PACRG: variants seen among roughly 807,000 people sequenced by gnomAD.
PACRG encodes parkin coregulated.
Under a neutral mutation model 29.7 loss-of-function variants are expected in PACRG, and 29 were observed. That is an observed-to-expected ratio of 0.98 (90% confidence interval 0.73 to 1.33). The LOEUF (loss-of-function observed/expected upper bound fraction) is 1.33, where lower values mean the gene tolerates loss of function less well. Ranked by LOEUF, PACRG falls within the 40% of genes most tolerant of loss-of-function variation. The pLI is 0.00. For synonymous variants in PACRG, 116 were observed against 118.7 expected, an observed-to-expected ratio of 0.98 and a Z score of 0.15; for missense variants, 279 against 316.2, an observed-to-expected ratio of 0.88 and a Z score of 0.89.
chr6:163,309,812 T>C (rs892489746), intron 4 of PACRG, among the ~76,000 whole-genome samples: 14 of 152,174 alleles, frequency 9.2e-5, no homozygotes, highest in African/African-American at 3.1e-4. Flanking sequence ...GCTGTTCCCT[T>C]TGAGAGTGCG....
intron 4 of PACRG, among the ~76,000 whole-genome samples, chr6:163,268,355 A>T (rs1465959777): frequency 6.6e-5 from 10 of 150,592 alleles, no homozygotes; most frequent in Non-Finnish European, 1.3e-4. Flanking sequence ...TGAGCCAAGA[A>T]TGCACCACTG....
chr6:163,000,306 T>C (rs557175160), intron 2 of PACRG, among the ~76,000 whole-genome samples: 1 of 152,212 alleles, frequency 6.6e-6, no homozygotes, highest in Non-Finnish European at 1.5e-5. Flanking sequence ...GGTCAAAAAC[T>C]TCTTGCTGCA....
intron 4 of PACRG, among the ~76,000 whole-genome samples, chr6:163,217,291 C>G (rs1460531064): frequency 2.6e-5 from 4 of 152,232 alleles, no homozygotes; most frequent in Non-Finnish European, 5.9e-5. Flanking sequence ...ACTCAGGAAA[C>G]TCACCCCCAA....
intron 4 of PACRG, among the ~76,000 whole-genome samples, chr6:163,098,504 C>T (rs1314169362): frequency 1.3e-5 from 2 of 152,196 alleles, no homozygotes; most frequent in South Asian, 2.1e-4. Context: ...TTGTGTCCCT[C>T]CTCACCAGGC....
chr6:163,115,508 G>A (rs557312140), intron 4 of PACRG, among the ~76,000 whole-genome samples: 14 of 152,210 alleles, frequency 9.2e-5, no homozygotes, highest in South Asian at 2.1e-4. Context: ...TGAATGAAGG[G>A]AATTAGTCTA....
At chr6:163,200,225 G>A (rs976872054) in intron 4 of PACRG, among the ~76,000 whole-genome samples, 1 of 152,020 alleles carries the variant, frequency 6.6e-6, no homozygotes, top group Non-Finnish European at 1.5e-5. Flanking sequence ...AGAAAAAAAG[G>A]CAACTTTTTT....
At chr6:163,139,288 A>G (rs755160017) in intron 4 of PACRG, among the ~76,000 whole-genome samples, 4 of 152,002 alleles carry the variant, frequency 2.6e-5, no homozygotes, top group African/African-American at 4.8e-5. Flanking sequence ...CTTCCCTCTC[A>G]TAAGGACACT....
chr6:162,947,413 AATC>A (rs1799175178), intron 2 of PACRG, among the ~76,000 whole-genome samples: 2 of 127,792 alleles, frequency 1.6e-5, no homozygotes, highest in Non-Finnish European at 3.2e-5. Flanking sequence ...AATCATATAT[AATC>A]ATACATAAAA....
chr6:162,740,455 C>T (rs1261881550), intron 1 of PACRG, among the ~76,000 whole-genome samples: 5 of 151,740 alleles, frequency 3.3e-5, no homozygotes, highest in South Asian at 2.1e-4. Context: ...GGACTACAGG[C>T]GCCCACCACC....
chr6:163,247,139 C>T (rs1038892176), intron 4 of PACRG, among the ~76,000 whole-genome samples: 4 of 152,172 alleles, frequency 2.6e-5, no homozygotes, highest in Non-Finnish European at 5.9e-5. Flanking sequence ...CAAGAAATGA[C>T]TTCCATTCTA....
intron 1 of PACRG, among the ~76,000 whole-genome samples, chr6:162,730,867 A>C (rs528452651): frequency 2.6e-5 from 4 of 152,174 alleles, no homozygotes; most frequent in African/African-American, 7.2e-5. Context: ...TGAAGATTTC[A>C]TAGTTCATTT....
chr6:163,313,935 G>A (rs1785541130), intron 4 of PACRG: 1 of 152,208 alleles, frequency 6.6e-6, no homozygotes, highest in Non-Finnish European at 1.5e-5. Context: ...AAACTAAGGG[G>A]CCCCATTTTT....
rs574684808 is a variant in PACRG, at chr6:163,272,196, G to A, written c.614-42631G>A. On this transcript the variant is annotated intron_variant, in intron 4 of 4. Coordinates refer to ENST00000366888, the MANE Select transcript of PACRG (RefSeq NM_001080379.2). ...TGGGACTACAGGCATGCGCCACCAT[G>A]CCCAGCTAATTTTTGTATTTTTAGT... Among the ~76,000 whole-genome samples, 10 of 152,150 alleles carry A rather than the reference G, an allele frequency of 6.6e-5. 1 individual carries two copies. The East Asian group carries it at 1.9e-3, about 29-fold the overall frequency.
At position 162,995,024 on chromosome 6, in the gene PACRG, C is replaced by T. The variant is rs1319277016; in HGVS notation, c.292-67126C>T. Among the ~76,000 whole-genome samples, 4 of 151,074 alleles carry T rather than the reference C, an allele frequency of 2.6e-5. 1 individual carries two copies. The highest frequency in any genetic ancestry group is 4.9e-5 in the African/African-American group (2 of 40,466). ...CGAGTGAGGTGTCAGTGTGCCCCTGCTGGGGGGTGCCTCCCAGTTAGGCTG... is the reference window on the plus strand; with the variant it reads ...CGAGTGAGGTGTCAGTGTGCCCCTGTTGGGGGGTGCCTCCCAGTTAGGCTG... On this transcript the variant is annotated intron_variant, in intron 2 of 4. Transcript: ENST00000366888.
chr6:163,128,936 GT>G (rs892121773), intron 4 of PACRG, among the ~76,000 whole-genome samples: 1 of 151,830 alleles, frequency 6.6e-6, no homozygotes, highest in African/African-American at 2.4e-5. Flanking sequence ...TCATCCATCT[GT>G]TTTTTTTGGT....
At chr6:163,175,412 G>T (rs766887883) in intron 4 of PACRG, among the ~76,000 whole-genome samples, 1 of 151,938 alleles carries the variant, frequency 6.6e-6, no homozygotes, top group Non-Finnish European at 1.5e-5. Context: ...GTTGGCTTGC[G>T]GGGGAGTGGG....
chr6:163,190,959 G>C (rs977861955), intron 4 of PACRG: 6 of 455,960 alleles, frequency 1.3e-5, no homozygotes, highest in African/African-American at 1.2e-4. Context: ...CCATTTCTGA[G>C]GGATGACTGT....
At chr6:163,288,404 T>C (rs972990461) in intron 4 of PACRG, among the ~76,000 whole-genome samples, 4 of 152,232 alleles carry the variant, frequency 2.6e-5, no homozygotes, top group African/African-American at 9.6e-5. Flanking sequence ...CTTTGGGACT[T>C]ACCTGTTACA....
At chr6:162,936,767 A>G (rs1798261582) in intron 2 of PACRG, among the ~76,000 whole-genome samples, 1 of 151,968 alleles carries the variant, frequency 6.6e-6, no homozygotes, top group Non-Finnish European at 1.5e-5. Context: ...CAAATAATTC[A>G]TTTGAAAAGT....
Sources: allele counts gnomAD v4.1 joint callset (sites outside exome capture counted in the v4.1 genomes callset), GRCh38; gene constraint gnomAD v4.1.1; transcripts MANE v1.5; gene names NCBI Gene and HGNC (gene_info 2026-07-23, HGNC 2026-07-21).